The following UBE2E2 variants were observed in gnomAD, a reference collection of about 807,000 sequenced individuals.
UBE2E2 encodes the protein ubiquitin-conjugating enzyme E2 E2.
Under a neutral mutation model 24.7 loss-of-function variants are expected in UBE2E2, and 6 were observed. The ratio of observed to expected loss-of-function variants is 0.24; its 90% CI spans 0.13 to 0.48. The LOEUF is 0.48. Ranked by LOEUF, UBE2E2 falls within the 20% of genes least tolerant of loss-of-function variation. UBE2E2 has a pLI of 0.99. For synonymous variants in UBE2E2, 104 were observed against 83.6 expected (o/e 1.24, Z -1.33); for missense variants, 169 against 245.0 (o/e 0.69, Z 2.07).
chr3:23,294,062 T>C (rs920164549), intron 3 of UBE2E2, among the ~76,000 whole-genome samples: 1 of 152,210 alleles, frequency 6.6e-6, no homozygotes, highest in Admixed American at 6.5e-5. Flanking sequence ...AAAAGAAACA[T>C]GTTTTGTTTA....
intron 3 of UBE2E2, among the ~76,000 whole-genome samples, chr3:23,466,046 A>G (rs1040516392): frequency 2.7e-4 from 41 of 152,302 alleles, no homozygotes; most frequent in East Asian, 2.1e-3. Context: ...CTATAAAGAT[A>G]TCATCCAAAA....
intron 4 of UBE2E2, among the ~76,000 whole-genome samples, chr3:23,505,414 ACT>A (rs1183428308): frequency 6.6e-6 from 1 of 152,086 alleles, no homozygotes; most frequent in Non-Finnish European, 1.5e-5. Flanking sequence ...TGAGAGAGTC[ACT>A]CATGTTTGTT....
chr3:23,239,481 C>G (rs1697203345), intron 3 of UBE2E2, among the ~76,000 whole-genome samples: 2 of 151,410 alleles, frequency 1.3e-5, no homozygotes, highest in African/African-American at 4.8e-5. Flanking sequence ...GACTTTCTGT[C>G]TCTATGGATT....
At chr3:23,355,704 A>G (rs935977288) in intron 3 of UBE2E2, among the ~76,000 whole-genome samples, 1 of 152,194 alleles carries the variant, frequency 6.6e-6, no homozygotes, top group African/African-American at 2.4e-5. Context: ...AATTACTGTC[A>G]CAGTCTCCGT....
chr3:23,492,892 G>A (rs919225257), intron 3 of UBE2E2, among the ~76,000 whole-genome samples: 2 of 151,838 alleles, frequency 1.3e-5, no homozygotes, highest in South Asian at 4.2e-4. Context: ...AAAGAAATAG[G>A]TGAATTTTAT....
At chr3:23,550,658 C>A (rs895615878) in intron 5 of UBE2E2, among the ~76,000 whole-genome samples, 2 of 152,178 alleles carry the variant, frequency 1.3e-5, no homozygotes, top group African/African-American at 2.4e-5. Context: ...GACTACCTTT[C>A]TAGTTAGAAA....
intron 3 of UBE2E2, among the ~76,000 whole-genome samples, chr3:23,302,375 T>C (rs1391391440): frequency 6.6e-6 from 1 of 152,248 alleles, no homozygotes; most frequent in African/African-American, 2.4e-5. Context: ...TTACCAGTTA[T>C]GCCTTTTGAC....
intron 3 of UBE2E2, among the ~76,000 whole-genome samples, chr3:23,304,509 C>A (rs1699189275): frequency 6.6e-6 from 1 of 151,932 alleles, no homozygotes; most frequent in African/African-American, 2.4e-5. Flanking sequence ...AAAGAGTGGC[C>A]TTGTTTACAG....
intron 3 of UBE2E2, among the ~76,000 whole-genome samples, chr3:23,264,382 A>G (rs1697986289): frequency 6.6e-6 from 1 of 152,146 alleles, no homozygotes; most frequent in Non-Finnish European, 1.5e-5. Context: ...AAAAAAAAAA[A>G]AGGTGGGGAG....
At chr3:23,235,293 G>T (rs901132949) in intron 3 of UBE2E2, among the ~76,000 whole-genome samples, 5 of 152,162 alleles carry the variant, frequency 3.3e-5, no homozygotes, top group Non-Finnish European at 7.4e-5. Context: ...CTTTTCTAAG[G>T]AGGTGAAATC....
intron 2 of UBE2E2, among the ~76,000 whole-genome samples, chr3:23,211,467 TATG>T (rs1696322749): frequency 1.3e-5 from 2 of 149,798 alleles, no homozygotes; most frequent in South Asian, 2.1e-4. Flanking sequence ...AGTGCAGTGG[TATG>T]ATCTCCAACT....
At chr3:23,313,469 C>G (rs1694472581) in intron 3 of UBE2E2, among the ~76,000 whole-genome samples, 1 of 148,994 alleles carries the variant, frequency 6.7e-6, no homozygotes. Context: ...ACTGTAACCT[C>G]TGCCTCCTGG....
intron 3 of UBE2E2, among the ~76,000 whole-genome samples, chr3:23,282,167 G>A (rs1401034220): frequency 6.6e-6 from 1 of 152,134 alleles, no homozygotes; most frequent in Admixed American, 6.5e-5. Flanking sequence ...CATATGGATG[G>A]CCACATTGCA....
At chr3:23,229,491 T>C (rs1696918878) in intron 3 of UBE2E2, among the ~76,000 whole-genome samples, 1 of 152,188 alleles carries the variant, frequency 6.6e-6, no homozygotes, top group African/African-American at 2.4e-5. Context: ...GTCATTCTTA[T>C]GCTTTTGAGT....
At chr3:23,576,425 A>AAACATAATTTTTAAATTATGTT (rs1478070791) in intron 5 of UBE2E2, among the ~76,000 whole-genome samples, 1 of 152,146 alleles carries the variant, frequency 6.6e-6, no homozygotes, top group Non-Finnish European at 1.5e-5. Context: ...ATGTTTAAAA[A>AAACATAATTTTTAAATTATGTT]AACATAATTT....
intron 3 of UBE2E2, among the ~76,000 whole-genome samples, chr3:23,410,316 GTTTTAACC>G (rs1030385538): frequency 6.6e-6 from 1 of 152,120 alleles, no homozygotes; most frequent in Non-Finnish European, 1.5e-5. Flanking sequence ...TTAAACAACA[GTTTTAACC>G]TTTAGGCTAT....
intron 3 of UBE2E2, among the ~76,000 whole-genome samples, chr3:23,334,484 C>T (rs1695152894): frequency 6.6e-6 from 1 of 151,986 alleles, no homozygotes; most frequent in African/African-American, 2.4e-5. Flanking sequence ...CAAAAAGAGG[C>T]TAGTATATTT....
At chr3:23,271,053 A>T (rs1698228102) in intron 3 of UBE2E2, 1 of 456,174 alleles carries the variant, frequency 2.2e-6, no homozygotes, top group South Asian at 1.6e-5. Flanking sequence ...ACTATGACTA[A>T]CATACACTAG....
Position 23,270,959 on chromosome 3 carries a change from G to C in UBE2E2, c.227+53647G>C, listed in dbSNP as rs1377936720. 6.6e-6 allele frequency: 3 copies of C among 456,604 alleles called. No homozygotes were observed. The East Asian group carries it at 2.1e-4, about 32-fold the overall frequency. The allele number at this position is 456,604 out of a possible 1,614,324, so 28.3% of individuals were successfully genotyped here. On this transcript the variant is annotated intron_variant, in intron 3 of 5. Transcript: ENST00000396703. Reference sequence around the variant, plus strand: ...CTCCATTTGTTAACAGGCTGTTCCTGATTCGATCTGCTTGCATCTCTTCTA... The same window carrying C: ...CTCCATTTGTTAACAGGCTGTTCCTCATTCGATCTGCTTGCATCTCTTCTA...
Sources: gnomAD v4.1 joint callset for allele counts (sites outside exome capture counted in the v4.1 genomes callset) on GRCh38, gnomAD v4.1.1 for gene constraint, MANE v1.5 for transcripts, NCBI Gene and HGNC (gene_info 2026-07-23, HGNC 2026-07-21) for gene names.